Variants in ZNF676 observed in about 807,000 individuals in gnomAD.
ZNF676 encodes zinc finger protein 676.
ZNF676 carries 4 observed loss-of-function variants against 6.0 expected under a neutral mutation model. The ratio of observed to expected loss-of-function variants is 0.67; its 90% confidence interval spans 0.33 to 1.53. ZNF676 has a LOEUF of 1.53. ZNF676 is among the 40% of genes most tolerant of loss of function. ZNF676 has a pLI of 0.06. For missense variants in ZNF676, 644 were observed against 679.7 expected (o/e 0.95, Z 0.58); for synonymous variants, 198 against 223.1 (o/e 0.89, Z 1.00).
chr19:22,253,460 A>T, the ZNF676 span, among the ~76,000 whole-genome samples: 5 of 87,440 alleles, frequency 5.7e-5, no homozygotes, highest in African/African-American at 1.8e-4. Context: ...ATATATGATA[A>T]TGTGTGTATA....
At chr19:22,255,648 A>T in the ZNF676 span, among the ~76,000 whole-genome samples, 1 of 152,094 alleles carries the variant, frequency 6.6e-6, no homozygotes, top group African/African-American at 2.4e-5. Context: ...GATCGAGACC[A>T]TCCTGGCTAA....
chr19:22,248,366 T>C, the ZNF676 span, among the ~76,000 whole-genome samples: 1 of 152,216 alleles, frequency 6.6e-6, no homozygotes, highest in Admixed American at 6.5e-5. Context: ...CCACCAACAG[T>C]GTAAAAGTGT....
chr19:22,179,728 T>C lies in ZNF676; in HGVS notation c.*222A>G. 4 of 755,662 alleles carry C rather than the reference T, an allele frequency of 5.3e-6. No individual in the cohort carries two copies. The highest frequency in any genetic ancestry group is 2.5e-5 in the East Asian group (1 of 39,692). 46.8% of individuals were successfully genotyped at this position (755,662 alleles called of 1,614,324 possible). A position where few individuals can be genotyped will look rare whatever the true frequency, so the allele number is the denominator to read the frequency against. ...GGGTTTCTCTCCAGTATGAATTCTC[T>C]TATGTTCCACAAGGTTTGAGGACCG... On this transcript the variant is annotated 3_prime_UTR_variant, in exon 3 of 3. Transcript: ENST00000397121.
At chr19:22,197,249 G>A (rs2023976848), upstream of ZNF676, among the ~76,000 whole-genome samples, 2 of 151,734 alleles carry the variant, frequency 1.3e-5, no homozygotes, top group East Asian at 3.9e-4. Context: ...TTGAACCCAG[G>A]AGGCGGAGGC....
the ZNF676 span, among the ~76,000 whole-genome samples, chr19:22,256,704 G>T: frequency 6.6e-6 from 1 of 152,214 alleles, no homozygotes; most frequent in Non-Finnish European, 1.5e-5. Flanking sequence ...AGGCAAAATA[G>T]GAGTGTCACC....
the ZNF676 span, among the ~76,000 whole-genome samples, chr19:22,238,867 T>G: frequency 6.6e-6 from 1 of 152,192 alleles, no homozygotes; most frequent in East Asian, 1.9e-4. Context: ...TTTTTCTGCC[T>G]GCTTATATTC....
chr19:22,257,795 G>A, the ZNF676 span, among the ~76,000 whole-genome samples: 9 of 152,208 alleles, frequency 5.9e-5, no homozygotes, highest in Non-Finnish European at 1.2e-4. Flanking sequence ...GCTCAGGCAG[G>A]AGAGTCACAT....
chr19:22,204,730 C>G (rs921792929), intron 1 of ZNF676, among the ~76,000 whole-genome samples: 2 of 152,088 alleles, frequency 1.3e-5, no homozygotes, highest in Non-Finnish European at 2.9e-5. Flanking sequence ...ATAAATTTTA[C>G]TCTCAACAAA....
the ZNF676 span, among the ~76,000 whole-genome samples, chr19:22,255,865 A>C: frequency 6.6e-6 from 1 of 152,004 alleles, no homozygotes; most frequent in Non-Finnish European, 1.5e-5. Context: ...CATCTCAAAA[A>C]AAAAAAAAAA....
exon 1 of ZNF676, chr19:22,215,639 A>G: frequency 6.2e-7 from 1 of 1,610,306 alleles, no homozygotes; most frequent in Non-Finnish European, 8.5e-7. Context: ...CACCATTTCT[A>G]GGCTTCCAGG....
upstream of ZNF676, among the ~76,000 whole-genome samples, chr19:22,201,076 T>C (rs1363914595): frequency 6.6e-6 from 1 of 152,138 alleles, no homozygotes; most frequent in Non-Finnish European, 1.5e-5. Context: ...AAATAAAAAA[T>C]GGAACTACTT....
At position 22,181,395 on chromosome 19, in the gene ZNF676, T is replaced by C. The variant is rs777713560; in HGVS notation, c.322A>G (p.Thr108Ala). The C allele has an allele frequency of 3.7e-6, 6 of 1,613,634 alleles. No individual in the cohort carries two copies. The highest frequency in any genetic ancestry group is 5.1e-6 in the Non-Finnish European group (6 of 1,179,768). Residue 108 changes from threonine to alanine, a missense_variant, in exon 3 of 3, where the codon ACA becomes GCA. By Grantham distance (58) the Thr-to-Ala change is moderately conservative. This residue lies in a region of ZNF676 where 280 missense variants were observed against 269.3 expected (regional missense o/e 1.04). Transcript: ENST00000397121. Reference protein sequence around the residue: ...YNKLNQSLTTTQSKVFQCGKY... With the variant: ...YNKLNQSLTTAQSKVFQCGKY... ...CCACATTGAAATACTTTGCTCTGTG[T>C]AGTTGTTAAACTCTGGTTAAGTTTA... is the stretch of plus-strand genomic sequence containing the variant.
chr19:22,250,512 G>A, the ZNF676 span, among the ~76,000 whole-genome samples: 35 of 152,136 alleles, frequency 2.3e-4, no homozygotes, highest in South Asian at 4.2e-3. Context: ...TCCACCTCCC[G>A]GGTTCAGGTG....
chr19:22,218,356 AC>A (rs1313645901), upstream of ZNF676, among the ~76,000 whole-genome samples: 1 of 151,862 alleles, frequency 6.6e-6, no homozygotes, highest in Non-Finnish European at 1.5e-5. Flanking sequence ...TTTTTTTGAG[AC>A]GGAGTCTCGC....
intron 1 of ZNF676, among the ~76,000 whole-genome samples, chr19:22,211,605 G>C (rs1376499293): frequency 6.6e-6 from 1 of 151,986 alleles, no homozygotes; most frequent in East Asian, 1.9e-4. Flanking sequence ...AAATCATGAG[G>C]TAAACAGTTA....
chr19:22,180,883 C>G lies in ZNF676; in HGVS notation c.834G>C (p.Glu278Asp), dbSNP rs766322135. The G allele has an allele frequency of 7.1e-7, 1 of 1,403,676 alleles. No homozygotes were observed. Among genetic ancestry groups the G allele is most frequent in the East Asian group, 2.5e-5 (1 of 40,792 alleles). 87.0% of individuals were successfully genotyped at this position (1,403,676 alleles called of 1,614,324 possible). Reference sequence around the variant, plus strand: ...CACATTCTTCACATTTGTAGGGCTTCTCTTCAGCATGAATTGCCTTATGTG... The same window carrying G: ...CACATTCTTCACATTTGTAGGGCTTGTCTTCAGCATGAATTGCCTTATGTG... ...LNTHKAIHAEEKPYKCEECGK... is the reference protein window; with the variant it reads ...LNTHKAIHAEDKPYKCEECGK... The change falls in exon 3 of 3, where the codon GAG becomes GAC. Residue 278 changes from glutamate (E) to aspartate (D), a missense_variant. This residue lies in a region of ZNF676 where 28 missense variants were observed against 83.7 expected (regional missense o/e 0.33). Coordinates refer to ENST00000397121, the MANE Select transcript of ZNF676 (RefSeq NM_001001411.3).
chr19:22,193,011 C>G lies in ZNF676; in HGVS notation c.130+5G>C. On this transcript the variant is annotated splice_donor_5th_base_variant and intron_variant, in intron 2 of 2. Coordinates refer to ENST00000397121, the MANE Select transcript of ZNF676 (RefSeq NM_001001411.3). The stretch of plus-strand genomic sequence containing the variant: ...TTCATGTTGTCTGTATTCACTCTCA[C>G]CTACCTGGGGGTTCTTCCACCATCT... The G allele has an allele frequency of 6.2e-7, 1 of 1,603,956 alleles. No homozygotes were observed. Among genetic ancestry groups the G allele is most frequent in the Non-Finnish European group, 8.5e-7 (1 of 1,176,086 alleles).
At chr19:22,259,860 C>A in the ZNF676 span, 1 of 152,088 alleles carries the variant, frequency 6.6e-6, no homozygotes, top group Non-Finnish European at 1.5e-5. Context: ...GAGCAGAGAC[C>A]AGGTAAGAGA....
intron 2 of ZNF676, among the ~76,000 whole-genome samples, chr19:22,183,477 AC>A (rs2023790293): frequency 6.6e-6 from 1 of 152,162 alleles, no homozygotes; most frequent in Admixed American, 6.5e-5. Context: ...AGCTGGGATT[AC>A]AAAAGTCTAC....
Sources: gnomAD v4.1 joint callset for allele counts (sites outside exome capture counted in the v4.1 genomes callset) on GRCh38, gnomAD v4.1.1 for gene constraint, gnomAD v4.1.1 regional missense constraint, MANE v1.5 for transcripts, NCBI Gene and HGNC (gene_info 2026-07-23, HGNC 2026-07-21) for gene names.